NSMCE2: variants seen among roughly 807,000 people sequenced by gnomAD.
NSMCE2 encodes NSE2 SUMO ligase component of SMC5/6 complex, also known as E3 SUMO-protein ligase NSE2.
NSMCE2 carries 24 observed loss-of-function variants against 23.8 expected under a neutral mutation model. The observed-to-expected ratio is 1.01, with a 90% CI of 0.73 to 1.42. The LOEUF (loss-of-function observed/expected upper bound fraction) is 1.42, where lower values mean the gene tolerates loss of function less well. Ranked by LOEUF, NSMCE2 falls within the 40% of genes most tolerant of loss-of-function variation. The pLI is 0.00. For synonymous variants in NSMCE2, 92 were observed against 94.1 expected, an observed-to-expected ratio of 0.98 and a Z score of 0.13; for missense variants, 284 against 296.5, an observed-to-expected ratio of 0.96 and a Z score of 0.31.
chr8:125,255,915 C>T (rs144307876), intron 5 of NSMCE2, among the ~76,000 whole-genome samples: 278 of 152,052 alleles, frequency 1.8e-3, no homozygotes, highest in Middle Eastern at 3.4e-3. Flanking sequence ...ATTAAGACTG[C>T]GAGGGTGAGG....
chr8:125,234,011 C>T (rs78752407), intron 5 of NSMCE2, among the ~76,000 whole-genome samples: 5 of 97,432 alleles, frequency 5.1e-5, no homozygotes, highest in Non-Finnish European at 7.8e-5. Context: ...CCTGTCTCTA[C>T]TAAAAAAAAA....
rs150921942 is a variant in NSMCE2 at position 125,157,120 on chromosome 8, CAAAAG to C, written c.264+5846_264+5850del. ...TCTATTAGGCATTGTGAATCATTGA[CAAAAG>C]AAGAAGGAGGGGGAAATTCGTTCGG... On this transcript the variant is annotated intron_variant, in intron 4 of 7. Transcript: ENST00000287437. Among the ~76,000 whole-genome samples, 12 of 152,040 alleles carry C rather than the reference CAAAAG, an allele frequency of 7.9e-5. No homozygotes were observed. In the East Asian group the frequency reaches 1.4e-3, roughly 17 times the overall value.
At chr8:125,149,189 T>C (rs1180736529) in intron 3 of NSMCE2, among the ~76,000 whole-genome samples, 1 of 152,164 alleles carries the variant, frequency 6.6e-6, no homozygotes, top group Non-Finnish European at 1.5e-5. Flanking sequence ...CACCCTCCCC[T>C]GACCCCCTAA....
intron 5 of NSMCE2, among the ~76,000 whole-genome samples, chr8:125,316,646 CTTTCCTT>C (rs1829198026): frequency 4.0e-5 from 2 of 50,258 alleles, no homozygotes; most frequent in Non-Finnish European, 7.0e-5. Flanking sequence ...TTATTTCCTT[CTTTCCTT>C]CTTTCCTTCC....
At position 125,357,247 on chromosome 8, in the gene NSMCE2, C is replaced by A. The variant is rs184167565; in HGVS notation, c.447C>A (p.Asp149Glu). Residue 149 changes from aspartate to glutamate, a missense_variant, in exon 6 of 8, where the codon GAC (aspartate) becomes GAA (glutamate). Coordinates refer to ENST00000287437, the MANE Select transcript of NSMCE2 (RefSeq NM_173685.4). ...QCGLQADREA[D>E]GTEGVDEDII... ...GTCTTCAAGCTGACAGAGAAGCTGA[C>A]GGAACAGAAGGAGTGGATGAAGATA... 6.8e-6 allele frequency: 11 copies of A among 1,613,062 alleles called. No homozygotes were observed. In the East Asian group the frequency reaches 2.5e-4, roughly 36 times the overall value.
intron 5 of NSMCE2, among the ~76,000 whole-genome samples, chr8:125,272,699 GAT>G (rs10635586): frequency 2.2e-4 from 27 of 125,460 alleles, no homozygotes; most frequent in African/African-American, 8.5e-4. Flanking sequence ...AGCTACTTGG[GAT>G]ATATATATAT....
At chr8:125,302,785 A>G (rs1302826734) in intron 5 of NSMCE2, among the ~76,000 whole-genome samples, 1 of 152,124 alleles carries the variant, frequency 6.6e-6, no homozygotes, top group Non-Finnish European at 1.5e-5. Context: ...ATGAATATAG[A>G]CATGTGTTTG....
At chr8:125,323,564 G>C (rs1829535262) in intron 5 of NSMCE2, among the ~76,000 whole-genome samples, 1 of 152,166 alleles carries the variant, frequency 6.6e-6, no homozygotes, top group Non-Finnish European at 1.5e-5. Context: ...AACATGCAAA[G>C]ATAATGCAGT....
chr8:125,349,861 A>AATTC (rs1450908535), intron 5 of NSMCE2, among the ~76,000 whole-genome samples: 7 of 152,188 alleles, frequency 4.6e-5, no homozygotes, highest in African/African-American at 1.7e-4. Context: ...TTTGACATGT[A>AATTC]ATTCAGGGTC....
chr8:125,156,463 TG>T (rs1260573191), intron 4 of NSMCE2, among the ~76,000 whole-genome samples: 19 of 152,328 alleles, frequency 1.2e-4, no homozygotes, highest in Admixed American at 1.2e-3. Flanking sequence ...GCTACATATT[TG>T]TTTTTTTAAG....
intron 3 of NSMCE2, among the ~76,000 whole-genome samples, chr8:125,126,416 A>G (rs1819521796): frequency 6.6e-6 from 1 of 151,618 alleles, no homozygotes; most frequent in African/African-American, 2.4e-5. Flanking sequence ...TGCTCACAAG[A>G]TGTGAGGAGA....
At chr8:125,181,136 C>T (rs532252086) in intron 4 of NSMCE2, among the ~76,000 whole-genome samples, 15 of 152,258 alleles carry the variant, frequency 9.9e-5, no homozygotes, top group African/African-American at 3.4e-4. Context: ...AGTGATAAGG[C>T]AGCAGCTTGA....
chr8:125,185,714 CAT>C (rs1248763188), intron 5 of NSMCE2, among the ~76,000 whole-genome samples: 2 of 152,070 alleles, frequency 1.3e-5, no homozygotes, highest in Admixed American at 6.5e-5. Flanking sequence ...AAAATATTAA[CAT>C]ATGAAAAATA....
chr8:125,332,069 TA>T (rs775845908), intron 5 of NSMCE2, among the ~76,000 whole-genome samples: 24 of 152,310 alleles, frequency 1.6e-4, no homozygotes, highest in Middle Eastern at 3.4e-3. Context: ...CACAGCCAGA[TA>T]TGAAAACTGG....
In NSMCE2 at chr8:125,259,713, A is replaced by T. The variant is rs371592977; in HGVS notation, c.418+77457A>T. On this transcript the variant is annotated intron_variant, in intron 5 of 7. Coordinates refer to ENST00000287437, the MANE Select transcript of NSMCE2 (RefSeq NM_173685.4). ...AATTTAACAGTAGTAATCATAATAT[A>T]AACAATAGCTTATATTTATATGGCT... Among the ~76,000 whole-genome samples the T allele has an allele frequency of 7.2e-5, 11 of 152,206 alleles. No individual in the cohort carries two copies. In the East Asian group the frequency reaches 1.3e-3, roughly 19 times the overall value.
At chr8:125,287,464 C>G (rs961653397) in intron 5 of NSMCE2, among the ~76,000 whole-genome samples, 4 of 152,196 alleles carry the variant, frequency 2.6e-5, no homozygotes, top group Non-Finnish European at 4.4e-5. Flanking sequence ...GGGACATACA[C>G]TGCTTGATTG....
At chr8:125,131,859 G>A (rs1819788951) in intron 3 of NSMCE2, among the ~76,000 whole-genome samples, 1 of 152,184 alleles carries the variant, frequency 6.6e-6, no homozygotes, top group Admixed American at 6.6e-5. Context: ...CCTTGCACAA[G>A]TAGGTGCACC....
intron 5 of NSMCE2, among the ~76,000 whole-genome samples, chr8:125,267,835 G>A (rs1488332852): frequency 1.3e-5 from 2 of 152,170 alleles, no homozygotes; most frequent in African/African-American, 4.8e-5. Context: ...AGACTTCTGA[G>A]TGAGAGATGG....
At chr8:125,331,115 C>T (rs939877734) in intron 5 of NSMCE2, among the ~76,000 whole-genome samples, 3 of 152,114 alleles carry the variant, frequency 2.0e-5, no homozygotes, top group Non-Finnish European at 2.9e-5. Flanking sequence ...TCCTGGCCAA[C>T]ATGGTGAAAC....
Sources: allele counts gnomAD v4.1 joint callset (sites outside exome capture counted in the v4.1 genomes callset), GRCh38; gene constraint gnomAD v4.1.1; transcripts MANE v1.5; gene names NCBI Gene and HGNC (gene_info 2026-07-23, HGNC 2026-07-21).